MATR3: variants seen among roughly 807,000 people sequenced by gnomAD.
The protein encoded by MATR3 is matrin-3.
Under a neutral mutation model 85.5 loss-of-function variants are expected in MATR3, and 4 were observed. The observed-to-expected ratio is 0.05, with a 90% CI of 0.02 to 0.11. The LOEUF (loss-of-function observed/expected upper bound fraction) is 0.11. Among genes scored for constraint, MATR3 ranks in the 10% least tolerant of loss-of-function variants. MATR3 has a pLI of 1.00. For missense variants in MATR3, 685 were observed against 1,016.1 expected (o/e 0.67, Z 4.43); for synonymous variants, 336 against 343.1 (o/e 0.98, Z 0.23).
chr5:139,325,891 T>C (rs180961790), intron 13 of MATR3, among the ~76,000 whole-genome samples: 15 of 152,300 alleles, frequency 9.8e-5, no homozygotes, highest in Admixed American at 2.6e-4. Context: ...TTCCCTTTTT[T>C]CGTAAAATTT....
rs1329203507 is a variant in MATR3 at position 139,293,762 on chromosome 5, C to G, written c.-221C>G. 1.0e-5 allele frequency: 4 copies of G among 387,212 alleles called. No homozygotes were observed. Among genetic ancestry groups the G allele is most frequent in the Non-Finnish European group, 1.8e-5 (4 of 219,432 alleles). 24.0% of individuals were successfully genotyped at this position (387,212 alleles called of 1,614,324 possible). ...TGTGGGAGTCTCCGCGTCCCGCTCG[C>G]TGGGAGAGAGGTACCTCTCCTTTTC... On this transcript the variant is annotated 5_prime_UTR_variant, in exon 1 of 15. Coordinates refer to ENST00000394805, the MANE Select transcript of MATR3 (RefSeq NM_018834.6).
chr5:139,318,195 G>A (rs911764482), intron 7 of MATR3, among the ~76,000 whole-genome samples: 8 of 152,066 alleles, frequency 5.3e-5, no homozygotes, highest in Non-Finnish European at 8.8e-5. Flanking sequence ...GTGCAGTGGC[G>A]CGATCTCAGC....
rs369015640 is a variant in MATR3 at position 139,294,429 on chromosome 5, C to G, written c.-178+624C>G. The stretch of plus-strand genomic sequence containing the variant: ...CCGGTGTCTCGGCCTTCACGCCGCT[C>G]CTTGCCCATCGCCTCAGAGCGCCCC... On this transcript the variant is annotated intron_variant, in intron 1 of 14. Transcript: ENST00000394805. The G allele has an allele frequency of 3.6e-4, 59 of 163,576 alleles. 1 individual carries two copies. The South Asian group carries it at 0.012, about 32-fold the overall frequency. 10.1% of individuals were successfully genotyped at this position (163,576 alleles called of 1,614,324 possible).
chr5:139,294,265 G>A (rs1197086781), intron 1 of MATR3, among the ~76,000 whole-genome samples: 1 of 152,320 alleles, frequency 6.6e-6, no homozygotes, highest in East Asian at 1.9e-4. Flanking sequence ...GAGGAGGATG[G>A]TTAAGATATC....
At chr5:139,323,041 A>C (rs1333430563) in intron 12 of MATR3, 74 bp downstream of exon 12, 3 of 1,394,640 alleles carry the variant, frequency 2.2e-6, no homozygotes, top group Non-Finnish European at 3.0e-6. Context: ...TTACCTAAGC[A>C]GGATCAGATA....
intron 12 of MATR3, among the ~76,000 whole-genome samples, chr5:139,323,283 G>A (rs995573016): frequency 5.3e-5 from 8 of 151,532 alleles, no homozygotes; most frequent in Admixed American, 3.3e-4. Flanking sequence ...TTATAGTGTA[G>A]CTTTGAAAAA....
chr5:139,317,528 A>G (rs1755315747), intron 6 of MATR3, 68 bp from the exon 7 acceptor site: 1 of 1,448,146 alleles, frequency 6.9e-7, no homozygotes. Flanking sequence ...AAAAAGTCCT[A>G]ATGCGTAATT....
chr5:139,300,644 T>A (rs1376202513), intron 1 of MATR3, among the ~76,000 whole-genome samples: 1 of 152,212 alleles, frequency 6.6e-6, no homozygotes, highest in Non-Finnish European at 1.5e-5. Flanking sequence ...CTATTTTAAA[T>A]GTTTTATTTA....
chr5:139,321,754 G>C (rs928105221), intron 9 of MATR3, 144 bp from the exon 10 acceptor site: 3 of 835,538 alleles, frequency 3.6e-6, no homozygotes, highest in East Asian at 5.4e-5. Flanking sequence ...CTGCATTCCA[G>C]CCTGGGTGAC....
upstream of MATR3, among the ~76,000 whole-genome samples, chr5:139,288,791 C>T (rs1327923316): frequency 6.6e-6 from 1 of 152,142 alleles, no homozygotes; most frequent in Middle Eastern, 3.2e-3. Context: ...CAGGTGCCTG[C>T]CACCACGCCC....
rs566915377 is a variant in MATR3 at position 139,296,094 on chromosome 5, G to C, written c.-178+2289G>C. ...ATTCAGACTCCTTCATAGTATAATAGGCTTAAAATGGAAAGACTGTGCGTA... is the reference window on the plus strand; with the variant it reads ...ATTCAGACTCCTTCATAGTATAATACGCTTAAAATGGAAAGACTGTGCGTA... On this transcript the variant is annotated intron_variant, in intron 1 of 14. Coordinates refer to ENST00000394805, the MANE Select transcript of MATR3 (RefSeq NM_018834.6). Among the ~76,000 whole-genome samples the C allele has an allele frequency of 1.1e-4, 17 of 152,242 alleles. No individual in the cohort carries two copies. The Middle Eastern group carries it at 0.014, about 122-fold the overall frequency.
intron 14 of MATR3, among the ~76,000 whole-genome samples, chr5:139,327,304 G>GTTTTTTTTTT (rs1194649334): frequency 8.4e-6 from 1 of 119,110 alleles, no homozygotes; most frequent in African/African-American, 2.9e-5. Context: ...TGTCACTTCT[G>GTTTTTTTTTT]TTTTTTTTTT....
rs751180351 is a variant in MATR3 at position 139,319,071 on chromosome 5, C to T, written c.1434+38C>T. 10 of 1,569,152 alleles carry T rather than the reference C, an allele frequency of 6.4e-6. No individual in the cohort carries two copies. The South Asian group carries it at 7.8e-5, about 12-fold the overall frequency. ...TTTTTCAAGCTGTATATCAGTTTAA[C>T]AAATGATTTTAATAGTTATTAACTG... On this transcript the variant is annotated intron_variant, in intron 8 of 14. Transcript: ENST00000394805.
At chr5:139,288,071 C>G (rs1213915711) in intron 3 of MATR3, among the ~76,000 whole-genome samples, 1 of 151,962 alleles carries the variant, frequency 6.6e-6, no homozygotes, top group Non-Finnish European at 1.5e-5. Flanking sequence ...AAAAAATTAG[C>G]TGGGTTTGGC....
chr5:139,325,242 CAG>C, intron 12 of MATR3, 196 bp from the exon 13 acceptor site: 1 of 1,543,268 alleles, frequency 6.5e-7, no homozygotes, highest in Admixed American at 2.0e-5. Flanking sequence ...GTAAAGCAGA[CAG>C]AAGGGATGCT....
At chr5:139,328,778 G>C (rs563164409) in intron 14 of MATR3, among the ~76,000 whole-genome samples, 1 of 152,250 alleles carries the variant, frequency 6.6e-6, no homozygotes, top group Non-Finnish European at 1.5e-5. Flanking sequence ...GGGACAGGCA[G>C]ATCACCTGAG....
chr5:139,318,885 A>C (rs1419953759), intron 7 of MATR3, 23 bp from the exon 8 acceptor site: 3 of 1,613,372 alleles, frequency 1.9e-6, no homozygotes, highest in Non-Finnish European at 1.7e-6. Context: ...AAAACAGAGA[A>C]ATAACTTTTT....
Position 139,314,863 on chromosome 5 carries a change from A to G in MATR3, c.974+127A>G, listed in dbSNP as rs922463659. On this transcript the variant is annotated intron_variant, in intron 3 of 14. Transcript: ENST00000394805. Reference sequence around the variant, plus strand: ...AATATCACATAGTGGTACTGTATGGACAATACTATTTACAAGTAAAATGTT... The same window carrying G: ...AATATCACATAGTGGTACTGTATGGGCAATACTATTTACAAGTAAAATGTT... The G allele has an allele frequency of 8.2e-5, 65 of 789,462 alleles. No individual in the cohort carries two copies. In the East Asian group the frequency reaches 1.7e-3, roughly 20 times the overall value. 48.9% of individuals were successfully genotyped at this position (789,462 alleles called of 1,614,324 possible). A position where few individuals can be genotyped will look rare whatever the true frequency, so the allele number is the denominator to read the frequency against.
Position 139,308,119 on chromosome 5 carries a change from T to C in MATR3, c.704T>C (p.Phe235Ser). 1 of 1,613,962 alleles carries C rather than the reference T, an allele frequency of 6.2e-7. No homozygotes were observed. The highest frequency in any genetic ancestry group is 8.5e-7 in the Non-Finnish European group (1 of 1,179,982). ...RDGERCRDDS[F>S]FGETSHNYHK... Reference sequence around the variant, plus strand: ...GGAGAAAGGTGTAGGGATGATTCTTTTTTTGGTGAGACCTCGCATAACTAT... The same window carrying C: ...GGAGAAAGGTGTAGGGATGATTCTTCTTTTGGTGAGACCTCGCATAACTAT... Residue 235 changes from phenylalanine (F) to serine (S), a missense_variant, in exon 2 of 15, where the codon TTT becomes TCT. This residue lies in a region of MATR3 where 223 missense variants were observed against 334.4 expected (regional missense o/e 0.67). Coordinates refer to ENST00000394805, the MANE Select transcript of MATR3 (RefSeq NM_018834.6).
Sources: allele counts gnomAD v4.1 joint callset (sites outside exome capture counted in the v4.1 genomes callset), GRCh38; gene constraint gnomAD v4.1.1; regional missense constraint gnomAD v4.1.1; transcripts MANE v1.5; gene names NCBI Gene and HGNC (gene_info 2026-07-23, HGNC 2026-07-21).